Variants in CRYZL1 observed in about 807,000 individuals in gnomAD.
CRYZL1 encodes ferry endosomal RAB5 effector complex subunit 4.
In CRYZL1, 34 loss-of-function variants were observed where a neutral mutation model predicts 50.6. The observed-to-expected ratio is 0.67, with a 90% CI of 0.51 to 0.89. CRYZL1 has a LOEUF of 0.89. CRYZL1 is among the 40% of genes least tolerant of loss of function. The pLI is 0.00. For synonymous variants in CRYZL1, 125 were observed against 134.3 expected, an observed-to-expected ratio of 0.93 and a Z score of 0.48; for missense variants, 354 against 402.3, an observed-to-expected ratio of 0.88 and a Z score of 1.03.
intron 1 of CRYZL1, chr21:33,641,404 C>G: frequency 4.3e-6 from 6 of 1,386,420 alleles, no homozygotes; most frequent in East Asian, 2.5e-5. Context: ...GAAGGGCACT[C>G]CCAGACCTCT....
chr21:33,599,725 G>A (rs1014720945), intron 8 of CRYZL1, among the ~76,000 whole-genome samples: 2 of 151,746 alleles, frequency 1.3e-5, no homozygotes, highest in Admixed American at 1.3e-4. Flanking sequence ...TTGAACTCCT[G>A]GGTTCAAGCA....
intron 8 of CRYZL1, among the ~76,000 whole-genome samples, chr21:33,600,670 GTCTGGAGTGCAGTGGCGCGA>G: frequency 6.7e-6 from 1 of 149,986 alleles, no homozygotes; most frequent in East Asian, 2.0e-4. Flanking sequence ...CTGTCACCCA[GTCTGGAGTGCAGTGGCGCGA>G]TCTCGGCTCA....
intron 4 of CRYZL1, among the ~76,000 whole-genome samples, chr21:33,620,083 C>T (rs879290647): frequency 6.6e-6 from 1 of 152,148 alleles, no homozygotes; most frequent in Non-Finnish European, 1.5e-5. Flanking sequence ...GAATGATCAT[C>T]TAGTTATTGT....
chr21:33,627,220 G>A (rs1184407567), intron 2 of CRYZL1, among the ~76,000 whole-genome samples: 1 of 151,616 alleles, frequency 6.6e-6, no homozygotes, highest in Admixed American at 6.6e-5. Context: ...GTGTGAACAT[G>A]GCTCACTGTA....
chr21:33,613,247 T>C (rs1310851121), intron 6 of CRYZL1, among the ~76,000 whole-genome samples: 4 of 152,222 alleles, frequency 2.6e-5, no homozygotes, highest in African/African-American at 9.6e-5. Context: ...TGATTAGGTA[T>C]ATAATTTAAG....
chr21:33,618,852 G>T (rs2086964796), intron 4 of CRYZL1, among the ~76,000 whole-genome samples: 1 of 151,102 alleles, frequency 6.6e-6, no homozygotes, highest in Admixed American at 6.6e-5. Context: ...TCTTTTAATT[G>T]ACCCTCAAAC....
At position 33,639,127 on chromosome 21, in the gene CRYZL1, G is replaced by T. The variant is rs1439006113; in HGVS notation, c.-7+2554C>A. On this transcript the variant is annotated intron_variant, in intron 1 of 12. Transcript: ENST00000381554. ...CAAAGAACTCTTTTGGATCTCAAAAGAATTTTTGATGACCTCCCCACCTCC... is the reference window on the plus strand; with the variant it reads ...CAAAGAACTCTTTTGGATCTCAAAATAATTTTTGATGACCTCCCCACCTCC... 2.0e-5 allele frequency among the ~76,000 whole-genome samples: 3 copies of T among 152,270 alleles called. No individual in the cohort carries two copies. In the East Asian group the frequency reaches 5.8e-4, roughly 29 times the overall value.
At chr21:33,593,280 G>C (rs1026603537) in intron 11 of CRYZL1, among the ~76,000 whole-genome samples, 1 of 151,778 alleles carries the variant, frequency 6.6e-6, no homozygotes, top group Non-Finnish European at 1.5e-5. Context: ...TTAATTTTTT[G>C]TATTTTTAGT....
rs146096008 is a variant in CRYZL1, at chr21:33,605,530, C to CTTTTTTTTTTT, written c.332-1994_332-1993insAAAAAAAAAAA. ...GTAATTTTTCCGCAGTACAAGAATTCTTTTTTTTTTGAGATGGAGTCTCAC... is the reference window on the plus strand; with the variant it reads ...GTAATTTTTCCGCAGTACAAGAATTCTTTTTTTTTTTTTTTTTTTTTGAGATGGAGTCTCAC... On this transcript the variant is annotated intron_variant, in intron 6 of 12. Coordinates refer to ENST00000381554, the MANE Select transcript of CRYZL1 (RefSeq NM_145858.3). Among the ~76,000 whole-genome samples, 213 of 53,186 alleles carry CTTTTTTTTTTT rather than the reference C, an allele frequency of 4.0e-3. 81 individuals carry two copies. The highest frequency in any genetic ancestry group is 5.5e-3 in the South Asian group (6 of 1,098). 34.9% of individuals were successfully genotyped at this position (53,186 alleles called of 152,430 possible). A position where few individuals can be genotyped will look rare whatever the true frequency, so the allele number is the denominator to read the frequency against.
At chr21:33,629,264 GA>G (rs1032555510) in intron 2 of CRYZL1, among the ~76,000 whole-genome samples, 4 of 151,938 alleles carry the variant, frequency 2.6e-5, no homozygotes, top group African/African-American at 9.7e-5. Context: ...AACTGCTACT[GA>G]TTTTTTTTCT....
intron 6 of CRYZL1, among the ~76,000 whole-genome samples, chr21:33,604,401 C>T (rs575030910): frequency 5.9e-5 from 8 of 135,980 alleles, no homozygotes; most frequent in East Asian, 2.1e-4. Flanking sequence ...TGGTGGCAGG[C>T]GCCTTTGGTC....
intron 1 of CRYZL1, among the ~76,000 whole-genome samples, chr21:33,635,346 CTTTTT>C (rs11346670): frequency 6.4e-5 from 6 of 93,452 alleles, no homozygotes; most frequent in Non-Finnish European, 1.2e-4. Flanking sequence ...AAGTATTAAA[CTTTTT>C]TTTTTTTTTT....
At chr21:33,641,271 C>T in intron 1 of CRYZL1, 1 of 1,550,180 alleles carries the variant, frequency 6.5e-7, no homozygotes, top group South Asian at 1.2e-5. Context: ...AACTGCTTTC[C>T]GAAAACAGCA....
intron 6 of CRYZL1, among the ~76,000 whole-genome samples, chr21:33,609,628 T>A (rs1374703170): frequency 6.6e-6 from 1 of 151,380 alleles, no homozygotes. Context: ...TTTTTTTTTT[T>A]AAACAAACTT....
At chr21:33,590,027 TA>T (rs2086627138) in intron 12 of CRYZL1, 106 bp from the exon 13 acceptor site, 5 of 640,054 alleles carry the variant, frequency 7.8e-6, no homozygotes, top group Non-Finnish European at 1.3e-5. Flanking sequence ...GTGTATTAAT[TA>T]ATTTTTTGAG....
chr21:33,606,612 C>T (rs573676090), intron 6 of CRYZL1, among the ~76,000 whole-genome samples: 1 of 151,056 alleles, frequency 6.6e-6, no homozygotes, highest in East Asian at 2.0e-4. Context: ...GGTGACAGGG[C>T]AAGACTTTGT....
chr21:33,602,206 T>G (rs2145924214), intron 8 of CRYZL1, 28 bp downstream of exon 8: 1 of 1,213,774 alleles, frequency 8.2e-7, no homozygotes, highest in Non-Finnish European at 1.2e-6. Context: ...TTTCCTGTTT[T>G]AAAGTCTGTG....
In CRYZL1 at chr21:33,631,567, A is replaced by T; in HGVS notation, c.-6-10T>A. On this transcript the variant is annotated splice_polypyrimidine_tract_variant and intron_variant, in intron 1 of 12. Transcript: ENST00000381554. ...AGCCTTTCATAGTCACCTAAAAATA[A>T]ATATATATAAATGAAATAAAATAAC... 11 of 1,431,786 alleles carry T rather than the reference A, an allele frequency of 7.7e-6. No individual in the cohort carries two copies. Among genetic ancestry groups the T allele is most frequent in the Non-Finnish European group, 1.0e-5 (11 of 1,080,868 alleles). 88.7% of individuals were successfully genotyped at this position (1,431,786 alleles called of 1,614,324 possible).
intron 2 of CRYZL1, among the ~76,000 whole-genome samples, chr21:33,625,327 T>C (rs1253479407): frequency 6.6e-6 from 1 of 151,974 alleles, no homozygotes; most frequent in Non-Finnish European, 1.5e-5. Context: ...AGCTAATTTT[T>C]TGTATTTTCA....
Sources: allele counts gnomAD v4.1 joint callset (sites outside exome capture counted in the v4.1 genomes callset), GRCh38; gene constraint gnomAD v4.1.1; transcripts MANE v1.5; gene names NCBI Gene and HGNC (gene_info 2026-07-23, HGNC 2026-07-21).